PRKD1: variants seen among roughly 807,000 people sequenced by gnomAD.
PRKD1 encodes protein kinase D1.
PRKD1 carries 63 observed loss-of-function variants against 95.9 expected under a neutral mutation model. That is an observed-to-expected ratio of 0.66 (90% CI 0.54 to 0.81). PRKD1 has a LOEUF of 0.81. Ranked by LOEUF, PRKD1 falls within the 30% of genes least tolerant of loss-of-function variation. The probability of loss-of-function intolerance (pLI) is 0.00; values close to 1 mark genes in which losing one functional copy is unlikely to be tolerated. For synonymous variants in PRKD1, 425 were observed against 423.1 expected (o/e 1.00, Z -0.05); for missense variants, 1,048 against 1,165.3 (o/e 0.90, Z 1.47).
chr14:29,763,190 G>A (rs1409203399), intron 1 of PRKD1, among the ~76,000 whole-genome samples: 1 of 148,446 alleles, frequency 6.7e-6, no homozygotes, highest in Non-Finnish European at 1.5e-5. Context: ...CCAGCTACTT[G>A]GAAAGCTGAG....
chr14:29,878,970 C>T (rs1489679244), intron 1 of PRKD1, among the ~76,000 whole-genome samples: 1 of 151,968 alleles, frequency 6.6e-6, no homozygotes, highest in African/African-American at 2.4e-5. Context: ...CACCTAAAAC[C>T]CAGATTCCTC....
intron 1 of PRKD1, among the ~76,000 whole-genome samples, chr14:29,851,564 T>C (rs1047971983): frequency 3.3e-5 from 5 of 152,086 alleles, no homozygotes; most frequent in South Asian, 4.1e-4. Context: ...ATGGCTATTA[T>C]TACGAAGTCC....
chr14:29,813,572 G>T (rs1268660045), intron 1 of PRKD1, among the ~76,000 whole-genome samples: 1 of 152,134 alleles, frequency 6.6e-6, no homozygotes, highest in Non-Finnish European at 1.5e-5. Flanking sequence ...GGCCAAATCT[G>T]CAGGGCCACA....
intron 13 of PRKD1, among the ~76,000 whole-genome samples, chr14:29,609,508 A>ACACG (rs1555327747): frequency 2.2e-5 from 3 of 137,340 alleles, no homozygotes; most frequent in Non-Finnish European, 4.6e-5. Context: ...GTGTGCGTGC[A>ACACG]CACACACACA....
At chr14:29,721,826 T>C (rs1885911653) in intron 2 of PRKD1, among the ~76,000 whole-genome samples, 1 of 152,128 alleles carries the variant, frequency 6.6e-6, no homozygotes, top group Non-Finnish European at 1.5e-5. Context: ...TTTTCCTCAA[T>C]AACCCAATCC....
intron 1 of PRKD1, among the ~76,000 whole-genome samples, chr14:29,790,734 T>C (rs1024608639): frequency 6.6e-6 from 1 of 152,224 alleles, no homozygotes; most frequent in Non-Finnish European, 1.5e-5. Flanking sequence ...ATTATGACGA[T>C]ATTTTATTCA....
intron 1 of PRKD1, among the ~76,000 whole-genome samples, chr14:29,733,150 T>C (rs1163413882): frequency 2.0e-5 from 3 of 151,328 alleles, no homozygotes; most frequent in Non-Finnish European, 2.9e-5. Flanking sequence ...CCGCCCAGGC[T>C]GGAGTGCAGT....
intron 1 of PRKD1, among the ~76,000 whole-genome samples, chr14:29,802,827 C>G (rs528312625): frequency 6.6e-5 from 10 of 152,336 alleles, no homozygotes; most frequent in African/African-American, 2.4e-4. Context: ...TTGCAGACAT[C>G]TTGTTGCAGA....
At chr14:29,708,330 T>C (rs1364908481) in intron 2 of PRKD1, among the ~76,000 whole-genome samples, 4 of 152,192 alleles carry the variant, frequency 2.6e-5, no homozygotes, top group Admixed American at 2.6e-4. Flanking sequence ...GAGGAGCCAA[T>C]AATGAAACAG....
chr14:29,913,296 T>A (rs1299167915), intron 1 of PRKD1, among the ~76,000 whole-genome samples: 1 of 152,170 alleles, frequency 6.6e-6, no homozygotes, highest in Non-Finnish European at 1.5e-5. Context: ...AATGTACAGG[T>A]TTTTTGGCCA....
Position 29,668,824 on chromosome 14 carries a change from T to C in PRKD1, c.404-2616A>G, listed in dbSNP as rs530798021. On this transcript the variant is annotated intron_variant, in intron 2 of 17. Transcript: ENST00000331968. ...TGGCTATGACAAGTTGAGACTGATA[T>C]AATGAGAGGAAATGCTTAAGCAATC... is the stretch of plus-strand genomic sequence containing the variant. 9.2e-5 allele frequency among the ~76,000 whole-genome samples: 14 copies of C among 152,300 alleles called. No individual in the cohort carries two copies. The South Asian group carries it at 2.9e-3, about 32-fold the overall frequency.
At position 29,760,468 on chromosome 14, in the gene PRKD1, G is replaced by A. The variant is rs553301087; in HGVS notation, c.265-34794C>T. 3.8e-4 allele frequency among the ~76,000 whole-genome samples: 56 copies of A among 148,114 alleles called. 1 individual carries two copies. Among genetic ancestry groups the A allele is most frequent in the Admixed American group, 1.7e-3 (25 of 14,442 alleles). ...CCTCCTGGGTACAAGCGATTCTCCC[G>A]CCTCAGCCTCCCATGTAGCTGGGAC... is the stretch of plus-strand genomic sequence containing the variant. On this transcript the variant is annotated intron_variant, in intron 1 of 17. Coordinates refer to ENST00000331968, the MANE Select transcript of PRKD1 (RefSeq NM_002742.3).
intron 1 of PRKD1, among the ~76,000 whole-genome samples, chr14:29,843,575 C>T (rs1891955646): frequency 6.6e-6 from 1 of 152,150 alleles, no homozygotes; most frequent in South Asian, 2.1e-4. Context: ...AATGGCTAGT[C>T]AAACATTTTT....
chr14:29,914,328 G>A (rs746678422), intron 1 of PRKD1, among the ~76,000 whole-genome samples: 2 of 152,232 alleles, frequency 1.3e-5, no homozygotes, highest in Non-Finnish European at 1.5e-5. Context: ...ACAAGTGGGA[G>A]TAAGTTTACC....
intron 1 of PRKD1, among the ~76,000 whole-genome samples, chr14:29,741,938 G>T (rs147684385): frequency 0.011 from 1,744 of 151,858 alleles, 16 homozygotes; most frequent in South Asian, 0.028. Flanking sequence ...TCAAGCAAGG[G>T]CCATGGATTT....
At chr14:29,747,704 T>C (rs1887293203) in intron 1 of PRKD1, among the ~76,000 whole-genome samples, 2 of 152,120 alleles carry the variant, frequency 1.3e-5, no homozygotes, top group African/African-American at 4.8e-5. Context: ...AAGATAGAAA[T>C]GTCAAAAAAT....
chr14:29,802,873 A>C (rs1469257621), intron 1 of PRKD1, among the ~76,000 whole-genome samples: 2 of 152,186 alleles, frequency 1.3e-5, no homozygotes, highest in Non-Finnish European at 2.9e-5. Context: ...CACTCACTCT[A>C]AGTTAGTATA....
chr14:29,605,557 C>T (rs1893675167), intron 13 of PRKD1, among the ~76,000 whole-genome samples: 1 of 152,174 alleles, frequency 6.6e-6, no homozygotes. Flanking sequence ...GGATGTCTCT[C>T]TACTCTCAGA....
intron 1 of PRKD1, among the ~76,000 whole-genome samples, chr14:29,842,081 C>G (rs1284915589): frequency 6.6e-6 from 1 of 152,180 alleles, no homozygotes; most frequent in Admixed American, 6.5e-5. Context: ...TCTTGTCCCA[C>G]TGGAATGTAT....
Sources: gnomAD v4.1 joint callset for allele counts (sites outside exome capture counted in the v4.1 genomes callset) on GRCh38, gnomAD v4.1.1 for gene constraint, MANE v1.5 for transcripts, NCBI Gene and HGNC (gene_info 2026-07-23, HGNC 2026-07-21) for gene names.